ABCC1: variants seen among roughly 807,000 people sequenced by gnomAD.
ABCC1 encodes multidrug resistance-associated protein 1.
In ABCC1, 83 loss-of-function variants were observed where a neutral mutation model predicts 172.9. That is an observed-to-expected ratio of 0.48 (90% CI 0.40 to 0.58). The LOEUF (loss-of-function observed/expected upper bound fraction) is 0.58, where lower values mean the gene tolerates loss of function less well. Among genes scored for constraint, ABCC1 ranks in the 20% least tolerant of loss-of-function variants. The probability of loss-of-function intolerance (pLI) is 0.00; values close to 1 mark genes in which losing one functional copy is unlikely to be tolerated. For synonymous variants in ABCC1, 937 were observed against 825.2 expected, an observed-to-expected ratio of 1.14 and a Z score of -2.32; for missense variants, 1,817 against 2,002.7, an observed-to-expected ratio of 0.91 and a Z score of 1.77.
intron 18 of ABCC1, among the ~76,000 whole-genome samples, chr16:16,087,193 G>A (rs769489869): frequency 2.0e-5 from 3 of 152,230 alleles, no homozygotes; most frequent in South Asian, 4.1e-4. Context: ...TAAGTCCTCC[G>A]CGCAGAGTTA....
rs548250005 is a variant in ABCC1, at chr16:16,123,857, C to CA, written c.3591-926dup. Reference sequence around the variant, plus strand: ...GGAGACCCTGTCTCTAAAAACAAAACAAAAAACCAAAAATTTGCCAGGTGT... The same window carrying CA: ...GGAGACCCTGTCTCTAAAAACAAAACAAAAAAACCAAAAATTTGCCAGGTGT... On this transcript the variant is annotated intron_variant, in intron 24 of 30. Coordinates refer to ENST00000399410, the MANE Select transcript of ABCC1 (RefSeq NM_004996.4). 1.5e-4 allele frequency among the ~76,000 whole-genome samples: 23 copies of CA among 151,892 alleles called. No individual in the cohort carries two copies. The South Asian group carries it at 1.9e-3, about 12-fold the overall frequency.
chr16:16,119,575 C>T (rs1165685863), intron 23 of ABCC1, among the ~76,000 whole-genome samples: 1 of 151,956 alleles, frequency 6.6e-6, no homozygotes, highest in Non-Finnish European at 1.5e-5. Flanking sequence ...CCTGCAATTC[C>T]AGCTACTTAG....
At chr16:16,036,334 G>T in intron 6 of ABCC1, 138 bp from the exon 7 acceptor site, 1 of 694,860 alleles carries the variant, frequency 1.4e-6, no homozygotes, top group Admixed American at 3.2e-5. Context: ...CAAGCTGCAT[G>T]GCTGCCTTCA....
Position 16,111,435 on chromosome 16 carries a change from A to C in ABCC1, c.2932A>C (p.Ser978Arg), listed in dbSNP as rs1452128494. ...CATCGGACTCTTCATCTCCTTCCTC[A>C]GCATCTTCCTTTTCATGTGTAACCA... ...KAIGLFISFL[S>R]IFLFMCNHVS... Residue 978 changes from serine (S) to arginine (R), a missense_variant, in exon 22 of 31, where the codon AGC (serine) becomes CGC (arginine). Ser to Arg is a moderately radical substitution (Grantham distance 110, BLOSUM62 -1). Around this residue, in one of 3 missense-constraint regions of ABCC1, gnomAD observed 1,412 missense variants for 1,600.3 expected, o/e 0.88. Transcript: ENST00000399410. 1 of 1,613,958 alleles carries C rather than the reference A, an allele frequency of 6.2e-7. No individual in the cohort carries two copies. The highest frequency in any genetic ancestry group is 8.5e-7 in the Non-Finnish European group (1 of 1,180,022).
At position 16,136,461 on chromosome 16, in the gene ABCC1, C is replaced by G. The variant is rs764276646; in HGVS notation, c.4126-17C>G. The stretch of plus-strand genomic sequence containing the variant: ...ACACAGGTGTCACATGCCGTCCACT[C>G]TCTTCTCTCTGAACAGGACCCTGTT... On this transcript the variant is annotated splice_polypyrimidine_tract_variant and intron_variant, in intron 28 of 30. Transcript: ENST00000399410. 6.2e-7 allele frequency: 1 copy of G among 1,613,434 alleles called. No individual in the cohort carries two copies. The highest frequency in any genetic ancestry group is 1.3e-5 in the African/African-American group (1 of 75,044).
intron 27 of ABCC1, among the ~76,000 whole-genome samples, chr16:16,133,454 A>G (rs565108612): frequency 8.5e-5 from 13 of 152,064 alleles, no homozygotes; most frequent in African/African-American, 3.1e-4. Context: ...CCCAGGCTGG[A>G]GTCCAGTGGT....
intron 18 of ABCC1, 93 bp from the exon 19 acceptor site, chr16:16,090,312 C>T (rs554300464): frequency 4.7e-5 from 63 of 1,346,122 alleles, no homozygotes; most frequent in African/African-American, 8.9e-5. Flanking sequence ...ACCAGGTGTT[C>T]GTCGGCTCAT....
chr16:15,958,474 T>C (rs1327600890), intron 1 of ABCC1, among the ~76,000 whole-genome samples: 1 of 152,286 alleles, frequency 6.6e-6, no homozygotes. Flanking sequence ...GGAACCCACT[T>C]TGGCACCTGT....
Position 16,061,392 on chromosome 16 carries a change from C to T in ABCC1, c.1677+5097C>T, listed in dbSNP as rs910409001. Among the ~76,000 whole-genome samples, 7 of 152,236 alleles carry T rather than the reference C, an allele frequency of 4.6e-5. No homozygotes were observed. The East Asian group carries it at 1.2e-3, about 25-fold the overall frequency. On this transcript the variant is annotated intron_variant, in intron 12 of 30. Transcript: ENST00000399410. Reference sequence around the variant, plus strand: ...CCTGTGTTGTAGGGCCTGGACTGCACATTGCAGGATGTTTCCCAGCATCTG... The same window carrying T: ...CCTGTGTTGTAGGGCCTGGACTGCATATTGCAGGATGTTTCCCAGCATCTG...
At chr16:16,086,605 C>T (rs2051015610) in intron 17 of ABCC1, among the ~76,000 whole-genome samples, 1 of 151,576 alleles carries the variant, frequency 6.6e-6, no homozygotes, top group Non-Finnish European at 1.5e-5. Context: ...AGGCGCACAT[C>T]AGCAGGCTTG....
intron 1 of ABCC1, among the ~76,000 whole-genome samples, chr16:15,988,890 AG>A (rs1204988526): frequency 6.6e-6 from 1 of 151,904 alleles, no homozygotes; most frequent in Non-Finnish European, 1.5e-5. Flanking sequence ...CAACATAGCA[AG>A]GCCCCATCTC....
At chr16:16,104,880 C>T (rs189757109) in intron 20 of ABCC1, among the ~76,000 whole-genome samples, 4 of 152,314 alleles carry the variant, frequency 2.6e-5, no homozygotes, top group Non-Finnish European at 4.4e-5. Flanking sequence ...GGTGCTAAGC[C>T]CCTCACTACC....
intron 2 of ABCC1, among the ~76,000 whole-genome samples, chr16:16,008,639 G>GT (rs1456948711): frequency 6.6e-6 from 1 of 151,880 alleles, no homozygotes; most frequent in Non-Finnish European, 1.5e-5. Context: ...CAGGTCAGGA[G>GT]TTTGAGACCA....
Position 15,999,004 on chromosome 16 carries a change from T to A in ABCC1, c.49-8812T>A, listed in dbSNP as rs764159497. The stretch of plus-strand genomic sequence containing the variant: ...GACTTTTAAAAAAATTAAAAAAAAA[T>A]TTTTATATTTTTTTGAGACGGAGTC... On this transcript the variant is annotated intron_variant, in intron 1 of 30. Coordinates refer to ENST00000399410, the MANE Select transcript of ABCC1 (RefSeq NM_004996.4). 3.1e-3 allele frequency among the ~76,000 whole-genome samples: 473 copies of A among 151,736 alleles called. 1 individual carries two copies. Among genetic ancestry groups the A allele is most frequent in the African/African-American group, 8.7e-3 (358 of 41,218 alleles).
chr16:16,020,465 C>A (rs2048157217), intron 5 of ABCC1, among the ~76,000 whole-genome samples: 1 of 152,154 alleles, frequency 6.6e-6, no homozygotes, highest in Non-Finnish European at 1.5e-5. Context: ...CCGAATCTGG[C>A]CTGCTGCCTG....
intron 2 of ABCC1, 134 bp from the exon 3 acceptor site, chr16:16,009,642 C>A: frequency 1.1e-6 from 1 of 898,734 alleles, no homozygotes; most frequent in Non-Finnish European, 1.6e-6. Context: ...TGGATATGTG[C>A]CATGTCCTAG....
Position 16,106,751 on chromosome 16 carries a change from T to C in ABCC1, c.2749T>C (p.Ser917Pro), listed in dbSNP as rs1283073784. 1 of 1,613,932 alleles carries C rather than the reference T, an allele frequency of 6.2e-7. No homozygotes were observed. Among genetic ancestry groups the C allele is most frequent in the Admixed American group, 1.7e-5 (1 of 60,004 alleles). ...TTGCTTCTCCAGACAGCTCAGCAGC[T>C]CCTCCTCCTATAGTGGGGACATCAG... is the stretch of plus-strand genomic sequence containing the variant. Reference protein sequence around the residue: ...GKQLQRQLSSSSSYSGDISRH... With the variant: ...GKQLQRQLSSPSSYSGDISRH... Residue 917 changes from serine to proline, a missense_variant, in exon 21 of 31, where the codon TCC becomes CCC. Coordinates refer to ENST00000399410, the MANE Select transcript of ABCC1 (RefSeq NM_004996.4).
intron 19 of ABCC1, among the ~76,000 whole-genome samples, chr16:16,098,631 A>G (rs2051587417): frequency 6.6e-6 from 1 of 152,126 alleles, no homozygotes; most frequent in African/African-American, 2.4e-5. Flanking sequence ...ACAAACAAAC[A>G]AAAACCCAAC....
rs199797323 is a variant in ABCC1 at position 16,068,247 on chromosome 16, A to G, written c.1769A>G (p.Asn590Ser). The change falls in exon 13 of 31, where the codon AAC becomes AGC. Residue 590 changes from asparagine to serine, a missense_variant. By Grantham distance (46) the Asn-to-Ser change is conservative. Around this residue, in one of 3 missense-constraint regions of ABCC1, gnomAD observed 1,412 missense variants for 1,600.3 expected, o/e 0.88. Transcript: ENST00000399410. ...QTAFVSLALF[N>S]ILRFPLNILP... Reference sequence around the variant, plus strand: ...GCCTTCGTGTCTTTGGCCTTGTTCAACATCCTCCGGTTTCCCCTGAACATT... The same window carrying G: ...GCCTTCGTGTCTTTGGCCTTGTTCAGCATCCTCCGGTTTCCCCTGAACATT... 3.4e-5 allele frequency: 55 copies of G among 1,614,138 alleles called. No individual in the cohort carries two copies. Among genetic ancestry groups the G allele is most frequent in the East Asian group, 4.5e-5 (2 of 44,876 alleles).
Sources: allele counts gnomAD v4.1 joint callset (sites outside exome capture counted in the v4.1 genomes callset), GRCh38; gene constraint gnomAD v4.1.1; regional missense constraint gnomAD v4.1.1; transcripts MANE v1.5; gene names NCBI Gene and HGNC (gene_info 2026-07-23, HGNC 2026-07-21).